The following DCDC1 variants were observed in gnomAD, a reference collection of about 807,000 sequenced individuals.
The protein encoded by DCDC1 is doublecortin domain containing 1, also known as doublecortin domain-containing protein 1.
In DCDC1, 200 loss-of-function variants were observed where a neutral mutation model predicts 178.3. The ratio of observed to expected loss-of-function variants is 1.12; its 90% CI spans 1.00 to 1.26. The LOEUF (loss-of-function observed/expected upper bound fraction) is 1.26, where lower values mean the gene tolerates loss of function less well. Ranked by LOEUF, DCDC1 falls within the 50% of genes most tolerant of loss-of-function variation. The probability of loss-of-function intolerance (pLI) is 0.00; values close to 1 mark genes in which losing one functional copy is unlikely to be tolerated. For missense variants in DCDC1, 1,983 were observed against 1,749.2 expected (o/e 1.13, Z -2.38); for synonymous variants, 690 against 604.8 (o/e 1.14, Z -2.07).
At chr11:30,998,657 G>T (rs1253450139) in intron 20 of DCDC1, among the ~76,000 whole-genome samples, 2 of 152,150 alleles carry the variant, frequency 1.3e-5, no homozygotes, top group Non-Finnish European at 2.9e-5. Flanking sequence ...TTAGTGGGCA[G>T]AACTTTTGGG....
At chr11:31,137,808 T>A (rs1240502503) in intron 9 of DCDC1, 24 bp from the exon 10 acceptor site, 1 of 700,422 alleles carries the variant, frequency 1.4e-6, no homozygotes, top group South Asian at 1.5e-5. Flanking sequence ...ATAAACAGCA[T>A]GAAAGCAGGT....
intron 36 of DCDC1, among the ~76,000 whole-genome samples, chr11:30,888,098 A>AGAGAGAGAGAGAGAGAG (rs1943396951): frequency 1.2e-4 from 13 of 105,426 alleles, no homozygotes; most frequent in Non-Finnish European, 1.7e-4. Flanking sequence ...GAAAGAAAGA[A>AGAGAGAGAGAGAGAGAG]AAAGAAAGAA....
chr11:30,881,677 G>A (rs1942684263), intron 36 of DCDC1, among the ~76,000 whole-genome samples: 2 of 152,124 alleles, frequency 1.3e-5, no homozygotes, highest in African/African-American at 2.4e-5. Flanking sequence ...GACAAAAGGT[G>A]AGGAGACCCA....
chr11:31,223,128 A>G (rs1473344112), intron 9 of DCDC1, among the ~76,000 whole-genome samples: 1 of 152,214 alleles, frequency 6.6e-6, no homozygotes, highest in East Asian at 1.9e-4. Flanking sequence ...CTTAGACTCA[A>G]TAATTTTCAA....
intron 6 of DCDC1, among the ~76,000 whole-genome samples, chr11:31,301,695 G>C (rs1000475228): frequency 6.6e-6 from 1 of 152,070 alleles, no homozygotes; most frequent in Admixed American, 6.6e-5. Context: ...GTGTGTCGTG[G>C]AATTGAAATA....
chr11:31,273,076 A>T (rs1945696448), intron 7 of DCDC1, among the ~76,000 whole-genome samples: 1 of 152,156 alleles, frequency 6.6e-6, no homozygotes, highest in African/African-American at 2.4e-5. Context: ...CGGCCCACGA[A>T]CCATTTTTTC....
chr11:31,298,818 T>C (rs745512766), intron 6 of DCDC1, among the ~76,000 whole-genome samples: 7 of 152,226 alleles, frequency 4.6e-5, no homozygotes, highest in Non-Finnish European at 8.8e-5. Context: ...GTAAAAAGAA[T>C]GCTGCCTTCT....
At chr11:30,917,685 CTGTTG>C (rs1202534919) in intron 25 of DCDC1, among the ~76,000 whole-genome samples, 1 of 152,178 alleles carries the variant, frequency 6.6e-6, no homozygotes, top group Non-Finnish European at 1.5e-5. Flanking sequence ...TTCCAGGCCA[CTGTTG>C]AGAGCACATT....
chr11:31,064,607 C>G lies in DCDC1; in HGVS notation c.2453G>C (p.Ser818Thr). The change falls in exon 20 of 39, where the codon AGC becomes ACC. Residue 818 changes from serine to threonine, a missense_variant. Transcript: ENST00000684477. ...TGGCAGTTGCTTCAGACCAAGGTTG[C>G]TGGCACTTTCTTGCAGAACCTAATA... ...LAEEVLQESA[S>T]NLGLKQLPEP... 1 of 765,678 alleles carries G rather than the reference C, an allele frequency of 1.3e-6. No homozygotes were observed. The highest frequency in any genetic ancestry group is 2.4e-6 in the Non-Finnish European group (1 of 417,476). 47.4% of individuals were successfully genotyped at this position (765,678 alleles called of 1,614,324 possible).
intron 1 of DCDC1, among the ~76,000 whole-genome samples, chr11:31,349,802 T>A (rs1050645373): frequency 6.6e-6 from 1 of 151,930 alleles, no homozygotes; most frequent in Non-Finnish European, 1.5e-5. Flanking sequence ...GGAGTTCAAG[T>A]CCATACTGGA....
In DCDC1 at chr11:31,091,519, T is replaced by C. The variant is rs1480071388; in HGVS notation, c.2119-8A>G. On this transcript the variant is annotated splice_polypyrimidine_tract_variant and splice_region_variant and intron_variant, in intron 16 of 38. Transcript: ENST00000684477. The stretch of plus-strand genomic sequence containing the variant: ...GCTCAGGATCATTCCAGTCTTCCAA[T>C]GAATAGAGAGGGGGAGAAAGGTCTA... The C allele has an allele frequency of 1.4e-6, 1 of 740,564 alleles. No homozygotes were observed. Among genetic ancestry groups the C allele is most frequent in the African/African-American group, 1.7e-5 (1 of 58,598 alleles). The allele number at this position is 740,564 out of a possible 1,614,324, so 45.9% of individuals were successfully genotyped here. A position where few individuals can be genotyped will look rare whatever the true frequency, so the allele number is the denominator to read the frequency against.
chr11:30,882,987 G>A (rs1942824302), intron 36 of DCDC1: 1 of 152,184 alleles, frequency 6.6e-6, no homozygotes, highest in Non-Finnish European at 1.5e-5. Context: ...AGATGCTGAG[G>A]CTGCTGATAA....
At chr11:31,021,903 T>C (rs1952902872) in intron 20 of DCDC1, among the ~76,000 whole-genome samples, 1 of 152,242 alleles carries the variant, frequency 6.6e-6, no homozygotes, top group South Asian at 2.1e-4. Context: ...GGATCGATTC[T>C]ACTGTACGTT....
chr11:30,921,677 G>C (rs1473642554), intron 24 of DCDC1, among the ~76,000 whole-genome samples: 1 of 152,114 alleles, frequency 6.6e-6, no homozygotes, highest in Non-Finnish European at 1.5e-5. Context: ...CAGAAAACTA[G>C]CACAGCATGT....
chr11:31,148,226 A>C (rs1163881938), intron 9 of DCDC1, among the ~76,000 whole-genome samples: 1 of 150,372 alleles, frequency 6.7e-6, no homozygotes, highest in Non-Finnish European at 1.5e-5. Context: ...AAAAAAAAAA[A>C]AAAAAAAACA....
At chr11:31,003,603 A>G (rs1951689012) in intron 20 of DCDC1, among the ~76,000 whole-genome samples, 2 of 152,236 alleles carry the variant, frequency 1.3e-5, no homozygotes, top group South Asian at 4.1e-4. Flanking sequence ...TTTAATGAAA[A>G]TAAGGAGGAA....
Position 31,290,805 on chromosome 11 carries a change from T to C in DCDC1, c.802A>G (p.Met268Val). The change falls in exon 7 of 39, where the codon ATG becomes GTG. Residue 268 changes from methionine to valine, a missense_variant. Met to Val is a conservative substitution (Grantham distance 21, BLOSUM62 1). Transcript: ENST00000684477. Reference protein sequence around the residue: ...KKVTWTMNGLMLPTDIKRRKT... With the variant: ...KKVTWTMNGLVLPTDIKRRKT... ...CGTCTTTTGATATCAGTAGGAAGCA[T>C]CAACCCATTCATTGTCCAAGTTACT... 1 of 1,613,310 alleles carries C rather than the reference T, an allele frequency of 6.2e-7. No homozygotes were observed.
chr11:30,955,561 T>C (rs1565120698), intron 20 of DCDC1, among the ~76,000 whole-genome samples: 1 of 152,168 alleles, frequency 6.6e-6, no homozygotes, highest in Non-Finnish European at 1.5e-5. Context: ...TACAAATAAC[T>C]ACACCACTTT....
At chr11:31,060,232 A>G (rs566988965) in intron 20 of DCDC1, among the ~76,000 whole-genome samples, 193 of 152,238 alleles carry the variant, frequency 1.3e-3, no homozygotes, top group African/African-American at 4.5e-3. Flanking sequence ...GGACATAATT[A>G]TAGCAGAAGG....
Sources: gnomAD v4.1 joint callset for allele counts (sites outside exome capture counted in the v4.1 genomes callset) on GRCh38, gnomAD v4.1.1 for gene constraint, MANE v1.5 for transcripts, NCBI Gene and HGNC (gene_info 2026-07-23, HGNC 2026-07-21) for gene names.